NWD1: variants seen among roughly 807,000 people sequenced by gnomAD.
The protein encoded by NWD1 is NACHT domain- and WD repeat-containing protein 1.
A neutral mutation model predicts 135.1 loss-of-function variants in NWD1; 129 were observed. The observed-to-expected ratio is 0.96, with a 90% CI of 0.83 to 1.11. The LOEUF is 1.11. Ranked by LOEUF, NWD1 falls within the 50% of genes least tolerant of loss-of-function variation. The pLI, the probability that NWD1 is intolerant of heterozygous loss-of-function variation, is 0.00. For missense variants in NWD1, 1,740 were observed against 1,851.3 expected (o/e 0.94, Z 1.10); for synonymous variants, 773 against 786.0 (o/e 0.98, Z 0.28).
intron 10 of NWD1, among the ~76,000 whole-genome samples, chr19:16,766,415 C>CA (rs971440723): frequency 3.3e-5 from 5 of 150,652 alleles, no homozygotes; most frequent in Admixed American, 6.6e-5. Context: ...ACGAACAAAC[C>CA]AAAAAAAAAC....
chr19:16,797,668 G>A, intron 15 of NWD1, 64 bp from the exon 16 acceptor site: 1 of 1,482,120 alleles, frequency 6.7e-7, no homozygotes, highest in East Asian at 2.3e-5. Flanking sequence ...CTCTGTTGAT[G>A]GAAGGAATGA....
At chr19:16,783,618 G>C (rs532157735) in intron 12 of NWD1, among the ~76,000 whole-genome samples, 20 of 144,352 alleles carry the variant, frequency 1.4e-4, no homozygotes, top group Admixed American at 1.4e-3. Flanking sequence ...TGGGCAAAAA[G>C]AGCAAAACTC....
At chr19:16,725,818 G>A (rs1336157324) in intron 2 of NWD1, among the ~76,000 whole-genome samples, 5 of 152,112 alleles carry the variant, frequency 3.3e-5, no homozygotes, top group South Asian at 2.1e-4. Context: ...CTCCCAAAGC[G>A]GTGGGATTAC....
Position 16,765,161 on chromosome 19 carries a change from C to G in NWD1, c.2379C>G (p.Leu793=). ...GCCTGGTCCGTGAAGCCCTCCAGCT[C>G]TGCCGCCCTGCTGTGGAGCTCCGAG... The part of the protein sequence containing the change: ...EVGLVREALQ[L]CRPAVELRGM... The change falls in exon 10 of 19, where the codon CTC becomes CTG. Residue 793 remains leucine (L), a synonymous_variant. Coordinates refer to ENST00000524140, the MANE Select transcript of NWD1 (RefSeq NM_001007525.5). 6.2e-7 allele frequency: 1 copy of G among 1,614,152 alleles called. No homozygotes were observed. The highest frequency in any genetic ancestry group is 1.1e-5 in the South Asian group (1 of 91,074).
At chr19:16,775,997 T>C (rs1046581690) in intron 11 of NWD1, among the ~76,000 whole-genome samples, 5 of 152,164 alleles carry the variant, frequency 3.3e-5, no homozygotes, top group Non-Finnish European at 7.3e-5. Flanking sequence ...CGGATAACTA[T>C]GTACTCAGCT....
chr19:16,738,003 A>AAGAAAAGAAAAGAAAAGAAAAGAAAAG (rs1568339424), intron 4 of NWD1, among the ~76,000 whole-genome samples: 2 of 138,064 alleles, frequency 1.4e-5, no homozygotes, highest in African/African-American at 2.7e-5. Context: ...AAGAAAAGAA[A>AAGAAAAGAAAAGAAAAGAAAAGAAAAG]AGAAAAGAAA....
intron 4 of NWD1, among the ~76,000 whole-genome samples, chr19:16,739,513 C>T (rs1226046202): frequency 2.0e-5 from 3 of 152,060 alleles, no homozygotes; most frequent in Non-Finnish European, 2.9e-5. Flanking sequence ...GGGGCCTGAC[C>T]AACCGGCCCT....
Position 16,807,464 on chromosome 19 carries a change from G to A in NWD1, c.3737-122G>A. 9.2e-6 allele frequency: 7 copies of A among 759,390 alleles called. No homozygotes were observed. In the South Asian group the frequency reaches 1.2e-4, roughly 13 times the overall value. 47.0% of individuals were successfully genotyped at this position (759,390 alleles called of 1,614,324 possible). ...CCTGAGATCGTGCTATTGCACTACA[G>A]CCTGGGCAACAGAGTGAGACTCCAT... is the stretch of plus-strand genomic sequence containing the variant. On this transcript the variant is annotated intron_variant, in intron 17 of 18. Transcript: ENST00000524140.
chr19:16,798,413 C>A (rs2123091670), intron 16 of NWD1, among the ~76,000 whole-genome samples: 1 of 152,150 alleles, frequency 6.6e-6, no homozygotes, highest in South Asian at 2.1e-4. Context: ...AGTTCGAGAC[C>A]AGCCTGGGCA....
chr19:16,738,480 A>G (rs535372407), intron 4 of NWD1, among the ~76,000 whole-genome samples: 16 of 151,214 alleles, frequency 1.1e-4, no homozygotes, highest in Admixed American at 3.3e-4. Context: ...GAGGCAGGAT[A>G]ATCATTTGAA....
Position 16,806,662 on chromosome 19 carries a change from G to A in NWD1, c.3737-924G>A, listed in dbSNP as rs191126464. Among the ~76,000 whole-genome samples, 185 of 151,850 alleles carry A rather than the reference G, an allele frequency of 1.2e-3. 1 individual carries two copies. The highest frequency in any genetic ancestry group is 4.3e-3 in the African/African-American group (178 of 41,402). On this transcript the variant is annotated intron_variant, in intron 17 of 18. Coordinates refer to ENST00000524140, the MANE Select transcript of NWD1 (RefSeq NM_001007525.5). ...AGAGGTTGAGGCTGCAGTGAGCCATGTTCGTGCCACTGCACTCCAGCCCGG... is the reference window on the plus strand; with the variant it reads ...AGAGGTTGAGGCTGCAGTGAGCCATATTCGTGCCACTGCACTCCAGCCCGG...
intron 18 of NWD1, chr19:16,812,628 C>T (rs8110726): frequency 1.4e-6 from 1 of 706,180 alleles, no homozygotes; most frequent in East Asian, 2.6e-5. Flanking sequence ...GAGATCACAC[C>T]ACTGCACTCC....
chr19:16,756,699 T>A (rs932635272), intron 6 of NWD1, among the ~76,000 whole-genome samples: 6 of 152,134 alleles, frequency 3.9e-5, no homozygotes, highest in Non-Finnish European at 8.8e-5. Context: ...CTACACATCC[T>A]ACAATAGGGG....
chr19:16,759,255 T>A lies in NWD1; in HGVS notation c.1800T>A (p.Asp600Glu). 1 of 1,614,064 alleles carries A rather than the reference T, an allele frequency of 6.2e-7. No homozygotes were observed. Among genetic ancestry groups the A allele is most frequent in the Non-Finnish European group, 8.5e-7 (1 of 1,179,964 alleles). Residue 600 changes from aspartate (D) to glutamate (E), a missense_variant, in exon 7 of 19, where the codon GAT becomes GAA. Coordinates refer to ENST00000524140, the MANE Select transcript of NWD1 (RefSeq NM_001007525.5). Reference protein sequence around the residue: ...RHGLSEAELKDVLSLDDEVLQ... With the variant: ...RHGLSEAELKEVLSLDDEVLQ... Reference sequence around the variant, plus strand: ...GTCTCTCGGAGGCGGAGCTGAAGGATGTTTTGTCCCTGGACGACGAGGTCC... The same window carrying A: ...GTCTCTCGGAGGCGGAGCTGAAGGAAGTTTTGTCCCTGGACGACGAGGTCC...
intron 2 of NWD1, chr19:16,727,384 G>A (rs1475608607): frequency 1.3e-5 from 2 of 152,758 alleles, no homozygotes; most frequent in African/African-American, 4.8e-5. Context: ...AGAGGCACTG[G>A]AGGTGGTGGG....
chr19:16,788,262 TAATAATAA>T (rs1568381187), intron 12 of NWD1, among the ~76,000 whole-genome samples: 6,440 of 142,170 alleles, frequency 0.045, 502 homozygotes, highest in African/African-American at 0.16. Context: ...ATAATAATAA[TAATAATAA>T]TAATAATAAT....
intron 12 of NWD1, among the ~76,000 whole-genome samples, chr19:16,788,765 G>A (rs761661878): frequency 7.2e-5 from 11 of 152,050 alleles, no homozygotes; most frequent in Admixed American, 3.3e-4. Flanking sequence ...GCATACAAGC[G>A]TGAGAACTCT....
chr19:16,810,680 T>C (rs1970899467), intron 18 of NWD1, among the ~76,000 whole-genome samples: 1 of 151,926 alleles, frequency 6.6e-6, no homozygotes, highest in African/African-American at 2.4e-5. Flanking sequence ...GGAGGATCGA[T>C]TGAGCCCTGG....
At chr19:16,755,093 A>C (rs1968737301) in intron 6 of NWD1, among the ~76,000 whole-genome samples, 1 of 152,176 alleles carries the variant, frequency 6.6e-6, no homozygotes, top group South Asian at 2.1e-4. Flanking sequence ...ACCTATTTAA[A>C]TGATCTATTT....
Sources: gnomAD v4.1 joint callset for allele counts (sites outside exome capture counted in the v4.1 genomes callset) on GRCh38, gnomAD v4.1.1 for gene constraint, MANE v1.5 for transcripts, NCBI Gene and HGNC (gene_info 2026-07-23, HGNC 2026-07-21) for gene names.